Variants in ADGRL2 observed in about 807,000 individuals in gnomAD.
ADGRL2 encodes the protein adhesion G protein-coupled receptor L2, also known as calcium-independent alpha-latrotoxin receptor 2.
A neutral mutation model predicts 157.4 loss-of-function variants in ADGRL2; 44 were observed. The observed-to-expected ratio is 0.28, with a 90% confidence interval of 0.22 to 0.36. The LOEUF (loss-of-function observed/expected upper bound fraction) is 0.36. Ranked by LOEUF, ADGRL2 falls within the 10% of genes least tolerant of loss-of-function variation. ADGRL2 has a pLI of 1.00. For synonymous variants in ADGRL2, 585 were observed against 624.7 expected (o/e 0.94, Z 0.95); for missense variants, 1,510 against 1,768.9 (o/e 0.85, Z 2.63).
chr1:81,662,922 G>GT (rs2082682685), intron 3 of ADGRL2, among the ~76,000 whole-genome samples: 1 of 152,034 alleles, frequency 6.6e-6, no homozygotes, highest in Non-Finnish European at 1.5e-5. Flanking sequence ...CTGCTTAAAG[G>GT]TTTTTCAAGT....
chr1:81,404,857 C>T (rs1261893170), intron 1 of ADGRL2, among the ~76,000 whole-genome samples: 3 of 152,044 alleles, frequency 2.0e-5, no homozygotes, highest in Admixed American at 1.3e-4. Context: ...GTAGCATCTC[C>T]TTATCTTTAA....
intron 2 of ADGRL2, among the ~76,000 whole-genome samples, chr1:81,511,529 A>G (rs2079077518): frequency 6.6e-6 from 1 of 152,146 alleles, no homozygotes; most frequent in Admixed American, 6.5e-5. Context: ...CAGTTCTCTC[A>G]AACTATTACT....
rs188156794 is a variant in ADGRL2, at chr1:81,612,876, C to A, written c.-143+31896C>A. Reference sequence around the variant, plus strand: ...ATCACAATGAGCTATCACTTCACATCTGTCAGGATGACTGTTAACAAAAAC... The same window carrying A: ...ATCACAATGAGCTATCACTTCACATATGTCAGGATGACTGTTAACAAAAAC... On this transcript the variant is annotated intron_variant, in intron 3 of 24. Coordinates refer to the ADGRL2 transcript ENST00000370721. Among the ~76,000 whole-genome samples, 707 of 152,312 alleles carry A rather than the reference C, an allele frequency of 4.6e-3. 1 individual carries two copies. Among genetic ancestry groups the A allele is most frequent in the South Asian group, 0.01 (50 of 4,830 alleles).
intron 1 of ADGRL2, among the ~76,000 whole-genome samples, chr1:81,753,503 G>GT (rs1368338004): frequency 6.6e-6 from 1 of 152,058 alleles, no homozygotes; most frequent in Non-Finnish European, 1.5e-5. Context: ...AACAAACATA[G>GT]GTAAAATGAG....
intron 2 of ADGRL2, among the ~76,000 whole-genome samples, chr1:81,783,186 C>A (rs148751592): frequency 6.6e-5 from 10 of 152,230 alleles, no homozygotes; most frequent in African/African-American, 2.4e-4. Flanking sequence ...TGCAGTGGTG[C>A]GATCTCAGCG....
intron 3 of ADGRL2, among the ~76,000 whole-genome samples, chr1:81,918,852 G>C (rs190152188): frequency 4.8e-4 from 73 of 152,100 alleles, no homozygotes; most frequent in African/African-American, 1.7e-3. Flanking sequence ...GTTGGTTGTG[G>C]TTCTTGTTGG....
chr1:81,760,268 T>C (rs1390077910), intron 1 of ADGRL2, among the ~76,000 whole-genome samples: 3 of 152,060 alleles, frequency 2.0e-5, no homozygotes, highest in Non-Finnish European at 2.9e-5. Flanking sequence ...AAAGGAAATA[T>C]CTGATTAAAG....
chr1:81,321,379 T>C lies in ADGRL2; in HGVS notation c.-302+14870T>C, dbSNP rs79905453. 3.9e-3 allele frequency among the ~76,000 whole-genome samples: 594 copies of C among 152,350 alleles called. 4 individuals are homozygous for C. Among genetic ancestry groups the C allele is most frequent in the Non-Finnish European group, 7.0e-3 (477 of 68,030 alleles). On this transcript the variant is annotated intron_variant, in intron 1 of 24. Coordinates refer to the ADGRL2 transcript ENST00000370721. The stretch of plus-strand genomic sequence containing the variant: ...AAACATTTCCTTTGCATTCCCAAGT[T>C]GGCTAACTGGTGCAAGAGGCCTATG...
chr1:81,603,980 T>TAC (rs2081383480), intron 3 of ADGRL2, among the ~76,000 whole-genome samples: 2 of 151,520 alleles, frequency 1.3e-5, no homozygotes, highest in African/African-American at 4.8e-5. Context: ...TTTTTTTTTT[T>TAC]TGAGCCAGAG....
At chr1:81,471,663 G>A (rs893523662) in intron 2 of ADGRL2, among the ~76,000 whole-genome samples, 5 of 152,142 alleles carry the variant, frequency 3.3e-5, no homozygotes, top group African/African-American at 7.2e-5. Flanking sequence ...AGCCTGAATC[G>A]AATTAAAATT....
chr1:81,932,984 G>C (rs543081060), intron 3 of ADGRL2, among the ~76,000 whole-genome samples: 1 of 152,152 alleles, frequency 6.6e-6, no homozygotes, highest in Non-Finnish European at 1.5e-5. Flanking sequence ...TTACAGGTGT[G>C]AGCCACCGTG....
intron 3 of ADGRL2, among the ~76,000 whole-genome samples, chr1:81,921,388 CTTAATAGATTTTA>C (rs1163472877): frequency 1.3e-5 from 2 of 152,014 alleles, no homozygotes; most frequent in African/African-American, 4.8e-5. Context: ...TTTAAAATTG[CTTAATAGATTTTA>C]TTGTGTACAA....
chr1:81,410,137 T>C (rs925062388), intron 1 of ADGRL2, among the ~76,000 whole-genome samples: 1 of 152,216 alleles, frequency 6.6e-6, no homozygotes, highest in South Asian at 2.1e-4. Flanking sequence ...ATCTAGAGCA[T>C]GACTTATTTT....
intron 3 of ADGRL2, among the ~76,000 whole-genome samples, chr1:81,597,901 G>T (rs1434282279): frequency 6.6e-6 from 1 of 152,180 alleles, no homozygotes; most frequent in African/African-American, 2.4e-5. Context: ...TTTCAAGGTG[G>T]TTTCCAATTT....
chr1:81,822,290 TG>T (rs1365650461), intron 1 of ADGRL2, among the ~76,000 whole-genome samples: 1 of 151,882 alleles, frequency 6.6e-6, no homozygotes. Flanking sequence ...ATGGAAACAA[TG>T]TTTTCTCAAG....
chr1:81,970,639 T>A, intron 16 of ADGRL2, 105 bp downstream of exon 16: 1 of 801,476 alleles, frequency 1.2e-6, no homozygotes, highest in East Asian at 2.7e-5. Context: ...ATCTGAAAGC[T>A]TTATTGGTAA....
intron 1 of ADGRL2, among the ~76,000 whole-genome samples, chr1:81,336,567 G>C (rs1454091876): frequency 3.3e-5 from 5 of 152,062 alleles, no homozygotes; most frequent in African/African-American, 1.2e-4. Flanking sequence ...AAGTGCACTA[G>C]ACCTATATAT....
chr1:81,867,456 A>G (rs2093574720), intron 2 of ADGRL2, among the ~76,000 whole-genome samples: 1 of 152,238 alleles, frequency 6.6e-6, no homozygotes, highest in Non-Finnish European at 1.5e-5. Flanking sequence ...TTGTATCAGC[A>G]AGTCAGAAGT....
chr1:81,413,633 C>G (rs186817243), intron 1 of ADGRL2, among the ~76,000 whole-genome samples: 123 of 152,218 alleles, frequency 8.1e-4, no homozygotes, highest in Admixed American at 2.2e-3. Context: ...GACTACTTAT[C>G]AGGGTTTAAA....
Sources: gnomAD v4.1 joint callset for allele counts (sites outside exome capture counted in the v4.1 genomes callset) on GRCh38, gnomAD v4.1.1 for gene constraint, MANE v1.5 for transcripts, NCBI Gene and HGNC (gene_info 2026-07-23, HGNC 2026-07-21) for gene names.